CYP39A1: variants seen among roughly 807,000 people sequenced by gnomAD.
CYP39A1 encodes 24-hydroxycholesterol 7-alpha-hydroxylase.
CYP39A1 carries 49 observed loss-of-function variants against 58.1 expected under a neutral mutation model. That is an observed-to-expected ratio of 0.84 (90% CI 0.67 to 1.07). The LOEUF is 1.07. CYP39A1 is among the 50% of genes least tolerant of loss of function. The pLI is 0.00. For synonymous variants in CYP39A1, 209 were observed against 187.6 expected, an observed-to-expected ratio of 1.11 and a Z score of -0.93; for missense variants, 531 against 539.4, an observed-to-expected ratio of 0.98 and a Z score of 0.16.
intron 10 of CYP39A1, among the ~76,000 whole-genome samples, chr6:46,576,623 G>A (rs1479331498): frequency 6.6e-6 from 1 of 152,198 alleles, no homozygotes; most frequent in Non-Finnish European, 1.5e-5. Context: ...GTTGAAAGAT[G>A]TGATAGCCAT....
chr6:46,636,011 C>A (rs1775963015), intron 5 of CYP39A1, among the ~76,000 whole-genome samples: 1 of 152,206 alleles, frequency 6.6e-6, no homozygotes, highest in Non-Finnish European at 1.5e-5. Flanking sequence ...TTCCTTGCAT[C>A]TGAAGAAACA....
chr6:46,554,163 C>A (rs1457179585), intron 10 of CYP39A1, among the ~76,000 whole-genome samples: 3 of 152,150 alleles, frequency 2.0e-5, no homozygotes, highest in Non-Finnish European at 4.4e-5. Context: ...CCATTAGATA[C>A]AAGTGGCTAT....
At chr6:46,583,160 A>G (rs180884525) in intron 10 of CYP39A1, 4 of 985,378 alleles carry the variant, frequency 4.1e-6, no homozygotes, top group Non-Finnish European at 4.8e-6. Context: ...TAACTTCTCA[A>G]GTATTGCAGC....
intron 7 of CYP39A1, among the ~76,000 whole-genome samples, chr6:46,619,881 T>C (rs1774849540): frequency 6.6e-6 from 1 of 152,046 alleles, no homozygotes; most frequent in Admixed American, 6.6e-5. Flanking sequence ...CCAAGTAAAA[T>C]AATGGATGAA....
rs1304141586 is a variant in CYP39A1 at position 46,639,542 on chromosome 6, A to C, written c.440T>G (p.Leu147Arg). 1.2e-6 allele frequency: 2 copies of C among 1,614,140 alleles called. No individual in the cohort carries two copies. The highest frequency in any genetic ancestry group is 2.2e-5 in the East Asian group (1 of 44,852). The change falls in exon 3 of 12, where the codon CTG becomes CGG. Residue 147 changes from leucine to arginine, a missense_variant. Coordinates refer to ENST00000275016, the MANE Select transcript of CYP39A1 (RefSeq NM_016593.5). ...TGTCCCATGAGTGCCTAAATTCTCC[A>C]GTTGTTCATGTAATTCTTCAGTCAG... ...GQLTEELHEQ[L>R]ENLGTHGTMD...
chr6:46,630,751 T>C (rs1383650705), intron 6 of CYP39A1, among the ~76,000 whole-genome samples: 9 of 152,238 alleles, frequency 5.9e-5, no homozygotes. Context: ...AGGACAGAAT[T>C]TGCTTGAGAT....
Position 46,636,411 on chromosome 6 carries a change from T to G in CYP39A1, c.710A>C (p.Lys237Thr). The change falls in exon 5 of 12, where the codon AAA becomes ACA. Residue 237 changes from lysine (K) to threonine (T), a missense_variant. Physicochemically the swap from Lys to Thr is moderately conservative, Grantham distance 78. Coordinates refer to ENST00000275016, the MANE Select transcript of CYP39A1 (RefSeq NM_016593.5). ...EKNIPDIKAC[K>T]SAKDNSMTLL... ...TACCATGGAATTATCTTTTGCAGATTTACATGCTTTTATATCTGGAATGTT... is the reference window on the plus strand; with the variant it reads ...TACCATGGAATTATCTTTTGCAGATGTACATGCTTTTATATCTGGAATGTT... 2 of 1,607,406 alleles carry G rather than the reference T, an allele frequency of 1.2e-6. No individual in the cohort carries two copies. Among genetic ancestry groups the G allele is most frequent in the East Asian group, 2.2e-5 (1 of 44,676 alleles).
chr6:46,606,731 T>A (rs182376179), intron 7 of CYP39A1, among the ~76,000 whole-genome samples: 1 of 152,260 alleles, frequency 6.6e-6, no homozygotes, highest in Admixed American at 6.5e-5. Context: ...GCAAAAAAAG[T>A]TTATAAAACA....
intron 10 of CYP39A1, among the ~76,000 whole-genome samples, chr6:46,573,589 A>C (rs1405766542): frequency 6.6e-6 from 1 of 152,176 alleles, no homozygotes; most frequent in Non-Finnish European, 1.5e-5. Flanking sequence ...TCACAAGGGC[A>C]TGCTGGTAAC....
chr6:46,651,369 C>T (rs990630250), intron 1 of CYP39A1, among the ~76,000 whole-genome samples: 1 of 152,058 alleles, frequency 6.6e-6, no homozygotes, highest in Non-Finnish European at 1.5e-5. Flanking sequence ...AAGGAAGATT[C>T]AAAGTATTTC....
chr6:46,558,752 C>T (rs890308334), intron 10 of CYP39A1, among the ~76,000 whole-genome samples: 5 of 152,064 alleles, frequency 3.3e-5, no homozygotes. Context: ...AATCCCAGCA[C>T]TTTGGGAGGC....
At chr6:46,628,651 G>C (rs1415235599) in intron 6 of CYP39A1, among the ~76,000 whole-genome samples, 1 of 152,182 alleles carries the variant, frequency 6.6e-6, no homozygotes, top group East Asian at 1.9e-4. Flanking sequence ...CAAAGTAGGA[G>C]AGAGGAGATA....
chr6:46,550,940 T>G (rs1266031925), intron 11 of CYP39A1, among the ~76,000 whole-genome samples: 1 of 152,152 alleles, frequency 6.6e-6, no homozygotes, highest in Non-Finnish European at 1.5e-5. Context: ...ATAAAGATAC[T>G]TTGTAGGCTC....
chr6:46,583,248 G>T (rs1772249869), intron 10 of CYP39A1: 1 of 985,340 alleles, frequency 1.0e-6, no homozygotes, highest in Non-Finnish European at 1.2e-6. Flanking sequence ...CAGGGCTGTT[G>T]TTTTACACTG....
intron 10 of CYP39A1, among the ~76,000 whole-genome samples, chr6:46,571,685 T>C (rs981572708): frequency 6.6e-6 from 1 of 152,010 alleles, no homozygotes; most frequent in African/African-American, 2.4e-5. Context: ...CCAATTCAGT[T>C]ATTATGTGAC....
At chr6:46,554,820 G>C (rs1348764419) in intron 10 of CYP39A1, among the ~76,000 whole-genome samples, 2 of 151,762 alleles carry the variant, frequency 1.3e-5, no homozygotes, top group Non-Finnish European at 2.9e-5. Context: ...TTTTTTTATG[G>C]TTCTCCTAAA....
intron 8 of CYP39A1, among the ~76,000 whole-genome samples, chr6:46,588,782 G>T (rs1375446335): frequency 1.3e-5 from 2 of 152,294 alleles, no homozygotes; most frequent in South Asian, 4.1e-4. Flanking sequence ...GGTTGGGTTT[G>T]TGTTTGGGGT....
In CYP39A1 at chr6:46,642,186, A is replaced by C. The variant is rs138523827; in HGVS notation, c.290T>G (p.Val97Gly). Reference protein sequence around the residue: ...KSKKVDFELAVQNIVYRTASI... With the variant: ...KSKKVDFELAGQNIVYRTASI... ...ACCTGTACGATAAACGATATTTTGC[A>C]CTGCTAGTTCAAAATCTACTTTTTT... is the stretch of plus-strand genomic sequence containing the variant. Residue 97 changes from valine (V) to glycine (G), a missense_variant, in exon 2 of 12, where the codon GTG becomes GGG. Val to Gly is a moderately radical substitution (Grantham distance 109). Coordinates refer to ENST00000275016, the MANE Select transcript of CYP39A1 (RefSeq NM_016593.5). 6.2e-7 allele frequency: 1 copy of C among 1,612,892 alleles called. No individual in the cohort carries two copies. The highest frequency in any genetic ancestry group is 8.5e-7 in the Non-Finnish European group (1 of 1,179,366).
At chr6:46,632,350 A>G (rs532023359) in intron 5 of CYP39A1, among the ~76,000 whole-genome samples, 1 of 152,078 alleles carries the variant, frequency 6.6e-6, no homozygotes, top group East Asian at 1.9e-4. Flanking sequence ...GTAGGCTGTG[A>G]TGGTCTTTGT....
Sources: gnomAD v4.1 joint callset for allele counts (sites outside exome capture counted in the v4.1 genomes callset) on GRCh38, gnomAD v4.1.1 for gene constraint, MANE v1.5 for transcripts, NCBI Gene and HGNC (gene_info 2026-07-23, HGNC 2026-07-21) for gene names.